Variants in SLC35E3 observed in about 807,000 individuals in gnomAD.
SLC35E3 encodes solute carrier family 35 member E3.
In SLC35E3, 28 loss-of-function variants were observed where a neutral mutation model predicts 30.8. The observed-to-expected ratio is 0.91, with a 90% CI of 0.67 to 1.25. The LOEUF (loss-of-function observed/expected upper bound fraction) is 1.25. Ranked by LOEUF, SLC35E3 falls within the 50% of genes most tolerant of loss-of-function variation. The pLI, the probability that SLC35E3 is intolerant of heterozygous loss-of-function variation, is 0.00. For missense variants in SLC35E3, 365 were observed against 375.4 expected, an observed-to-expected ratio of 0.97 and a Z score of 0.23; for synonymous variants, 146 against 149.2, an observed-to-expected ratio of 0.98 and a Z score of 0.16.
rs531157405 is a variant in SLC35E3 at position 68,765,205 on chromosome 12, G to A, written c.*315G>A. The A allele has an allele frequency of 6.8e-5, 12 of 175,890 alleles. No homozygotes were observed. The highest frequency in any genetic ancestry group is 3.0e-4 in the East Asian group (2 of 6,580). 10.9% of individuals were successfully genotyped at this position (175,890 alleles called of 1,614,324 possible). The stretch of plus-strand genomic sequence containing the variant: ...CGGGAGGCGGCGGTTGCAGTGAGCC[G>A]AGATCGTACCATTGCACTCCAGCCT... On this transcript the variant is annotated 3_prime_UTR_variant, in exon 5 of 5. Transcript: ENST00000398004.
intron 3 of SLC35E3, among the ~76,000 whole-genome samples, chr12:68,753,401 C>G (rs1878878777): frequency 6.7e-6 from 1 of 149,920 alleles, no homozygotes; most frequent in African/African-American, 2.4e-5. Flanking sequence ...TGCAGTGAGC[C>G]AAGATAGCAC....
intron 3 of SLC35E3, among the ~76,000 whole-genome samples, chr12:68,756,809 A>G (rs1879028523): frequency 6.6e-6 from 1 of 152,232 alleles, no homozygotes; most frequent in South Asian, 2.1e-4. Flanking sequence ...AGACTAGCCG[A>G]GACCATCCTG....
chr12:68,775,480 G>C lies in SLC35E3; in HGVS notation c.*10590G>C, dbSNP rs1008082419. ...GAGGGCCTCACGTGGTGAGGGACTTGAGCATGGTAGCTCAGGTCTCTCTTC... is the reference window on the plus strand; with the variant it reads ...GAGGGCCTCACGTGGTGAGGGACTTCAGCATGGTAGCTCAGGTCTCTCTTC... On this transcript the variant is annotated 3_prime_UTR_variant, in exon 5 of 5. Coordinates refer to ENST00000398004, the MANE Select transcript of SLC35E3 (RefSeq NM_018656.5). 3 of 152,204 alleles carry C rather than the reference G, an allele frequency of 2.0e-5. No individual in the cohort carries two copies. Among genetic ancestry groups the C allele is most frequent in the Admixed American group, 6.5e-5 (1 of 15,274 alleles). 9.4% of individuals were successfully genotyped at this position (152,204 alleles called of 1,614,324 possible). A position where few individuals can be genotyped will look rare whatever the true frequency, so the allele number is the denominator to read the frequency against.
Position 68,779,960 on chromosome 12 carries a change from A to G in SLC35E3, c.*15070A>G, listed in dbSNP as rs908462092. 1 of 152,140 alleles carries G rather than the reference A, an allele frequency of 6.6e-6. No homozygotes were observed. The allele number at this position is 152,140 out of a possible 1,614,324, so 9.4% of individuals were successfully genotyped here. ...TCTAAAAGTAAAATTAAATTAAATT[A>G]AAAATAAGTGGATAAATATGGGTTA... On this transcript the variant is annotated 3_prime_UTR_variant, in exon 5 of 5. Transcript: ENST00000398004.
intron 4 of SLC35E3, among the ~76,000 whole-genome samples, chr12:68,763,804 G>A (rs984513132): frequency 2.0e-4 from 31 of 152,198 alleles, no homozygotes; most frequent in African/African-American, 7.2e-4. Flanking sequence ...TTTTGGATTA[G>A]AACGTGGGCT....
rs1361970045 is a variant in SLC35E3 at position 68,769,940 on chromosome 12, A to G, written c.*5050A>G. On this transcript the variant is annotated 3_prime_UTR_variant, in exon 5 of 5. Transcript: ENST00000398004. ...ATAGGACTAATTAAACAAAAACAAG[A>G]CAAGAATAATTAAACAGCAAACTCA... is the stretch of plus-strand genomic sequence containing the variant. The G allele has an allele frequency of 6.6e-6, 1 of 152,216 alleles. No individual in the cohort carries two copies. Among genetic ancestry groups the G allele is most frequent in the Admixed American group, 6.6e-5 (1 of 15,266 alleles). 9.4% of individuals were successfully genotyped at this position (152,216 alleles called of 1,614,324 possible).
chr12:68,752,611 C>G (rs1878845957), intron 3 of SLC35E3, among the ~76,000 whole-genome samples: 1 of 152,220 alleles, frequency 6.6e-6, no homozygotes, highest in African/African-American at 2.4e-5. Context: ...TGGCTCACTC[C>G]TGTAATCCCA....
In SLC35E3 at chr12:68,770,385, T is replaced by A. The variant is rs1879571136; in HGVS notation, c.*5495T>A. 6.6e-6 allele frequency: 1 copy of A among 152,378 alleles called. No homozygotes were observed. Among genetic ancestry groups the A allele is most frequent in the Admixed American group, 6.6e-5 (1 of 15,262 alleles). 9.4% of individuals were successfully genotyped at this position (152,378 alleles called of 1,614,324 possible). On this transcript the variant is annotated 3_prime_UTR_variant, in exon 5 of 5. Coordinates refer to ENST00000398004, the MANE Select transcript of SLC35E3 (RefSeq NM_018656.5). ...AATTAGTGGAGGAGAACCAGAGAGA[T>A]GCCAGGAGACCAGTTAGTTGGGAGA...
intron 4 of SLC35E3, 83 bp from the exon 5 acceptor site, chr12:68,764,621 G>T: frequency 2.3e-6 from 3 of 1,322,684 alleles, no homozygotes; most frequent in Non-Finnish European, 3.1e-6. Context: ...GCTGCTTTTG[G>T]GTTGTTTTAT....
intron 3 of SLC35E3, among the ~76,000 whole-genome samples, chr12:68,754,939 C>T (rs758795354): frequency 1.3e-5 from 2 of 152,132 alleles, no homozygotes; most frequent in Non-Finnish European, 2.9e-5. Flanking sequence ...GCTGCTATAA[C>T]AAAACTACAA....
intron 3 of SLC35E3, among the ~76,000 whole-genome samples, chr12:68,756,961 G>A (rs915317211): frequency 1.3e-5 from 2 of 152,230 alleles, no homozygotes; most frequent in Non-Finnish European, 2.9e-5. Context: ...CTTGCAGTGA[G>A]CCGAGATCGT....
intron 1 of SLC35E3, among the ~76,000 whole-genome samples, chr12:68,747,633 T>TGGG (rs1490821233): frequency 6.6e-6 from 1 of 152,220 alleles, no homozygotes; most frequent in Non-Finnish European, 1.5e-5. Context: ...GACACTAGTT[T>TGGG]GGGGATCCAT....
chr12:68,761,515 T>C (rs1879232603), intron 4 of SLC35E3, among the ~76,000 whole-genome samples: 1 of 152,150 alleles, frequency 6.6e-6, no homozygotes, highest in Non-Finnish European at 1.5e-5. Flanking sequence ...TGCAGGCCTG[T>C]TTAGTACACT....
In SLC35E3 at chr12:68,780,534, C is replaced by G. The variant is rs985342526; in HGVS notation, c.*15644C>G. The G allele has an allele frequency of 8.4e-5, 12 of 142,396 alleles. No homozygotes were observed. The highest frequency in any genetic ancestry group is 1.0e-4 in the Non-Finnish European group (7 of 66,998). 8.8% of individuals were successfully genotyped at this position (142,396 alleles called of 1,614,324 possible). ...CAGAGTTTCACTCTTGTTGCCCAGG[C>G]TGGAGTGCAATGGCATGATCTGGAC... On this transcript the variant is annotated 3_prime_UTR_variant, in exon 5 of 5. Transcript: ENST00000398004.
Position 68,766,972 on chromosome 12 carries a change from TTGG to T in SLC35E3, c.*2083_*2085del. The stretch of plus-strand genomic sequence containing the variant: ...GGAGCTTTCTGTGGTACTGAAACAC[TTGG>T]AGTGAACTGCAAACTTGGAGTGAAC... On this transcript the variant is annotated 3_prime_UTR_variant, in exon 5 of 5. Coordinates refer to ENST00000398004, the MANE Select transcript of SLC35E3 (RefSeq NM_018656.5). The T allele has an allele frequency of 9.2e-6, 2 of 216,368 alleles. No individual in the cohort carries two copies. The highest frequency in any genetic ancestry group is 9.0e-5 in the South Asian group (2 of 22,326). The allele number at this position is 216,368 out of a possible 1,614,324, so 13.4% of individuals were successfully genotyped here.
chr12:68,754,288 T>C (rs1449948728), intron 3 of SLC35E3, among the ~76,000 whole-genome samples: 2 of 151,508 alleles, frequency 1.3e-5, no homozygotes, highest in African/African-American at 2.4e-5. Flanking sequence ...TTTTGTTTTG[T>C]TTTGTTTTGT....
chr12:68,753,355 G>A (rs1361981812), intron 3 of SLC35E3, among the ~76,000 whole-genome samples: 1 of 151,754 alleles, frequency 6.6e-6, no homozygotes. Flanking sequence ...TGGGAGGCTG[G>A]GGTGGGAGGA....
At chr12:68,762,768 C>T (rs548492857) in intron 4 of SLC35E3, among the ~76,000 whole-genome samples, 1 of 152,296 alleles carries the variant, frequency 6.6e-6, no homozygotes, top group African/African-American at 2.4e-5. Context: ...ATGACTATTG[C>T]CAACAACCTT....
Position 68,752,019 on chromosome 12 carries a change from T to C in SLC35E3, c.514-13T>C. The C allele has an allele frequency of 6.4e-7, 1 of 1,564,528 alleles. No homozygotes were observed. Among genetic ancestry groups the C allele is most frequent in the East Asian group, 2.3e-5 (1 of 44,010 alleles). ...TCTTTTGTGCCAGACATGTTTTATCTCCTAATTTTCAGTGGGTAGGAGCCA... is the reference window on the plus strand; with the variant it reads ...TCTTTTGTGCCAGACATGTTTTATCCCCTAATTTTCAGTGGGTAGGAGCCA... On this transcript the variant is annotated splice_polypyrimidine_tract_variant and intron_variant, in intron 2 of 4. Transcript: ENST00000398004.
Sources: allele counts gnomAD v4.1 joint callset (sites outside exome capture counted in the v4.1 genomes callset), GRCh38; gene constraint gnomAD v4.1.1; transcripts MANE v1.5; gene names NCBI Gene and HGNC (gene_info 2026-07-23, HGNC 2026-07-21).